The following CASZ1 variants were observed in gnomAD, a reference collection of about 807,000 sequenced individuals.
CASZ1 encodes the protein castor zinc finger 1.
CASZ1 carries 28 observed loss-of-function variants against 135.2 expected under a neutral mutation model. The observed-to-expected ratio is 0.21, with a 90% CI of 0.15 to 0.28. CASZ1 has a LOEUF of 0.28. Ranked by LOEUF, CASZ1 falls within the 10% of genes least tolerant of loss-of-function variation. The pLI, the probability that CASZ1 is intolerant of heterozygous loss-of-function variation, is 1.00. For synonymous variants in CASZ1, 1,068 were observed against 1,073.4 expected (o/e 0.99, Z 0.10); for missense variants, 2,161 against 2,453.3 (o/e 0.88, Z 2.52).
Position 10,719,601 on chromosome 1 carries a change from C to T in CASZ1, c.-76-14057G>A, listed in dbSNP as rs1639459182. Among the ~76,000 whole-genome samples the T allele has an allele frequency of 1.3e-5, 2 of 152,216 alleles. 1 individual carries two copies. The highest frequency in any genetic ancestry group is 4.1e-4 in the South Asian group (2 of 4,836). On this transcript the variant is annotated intron_variant, in intron 2 of 20. Transcript: ENST00000377022. The surrounding 1 kb of genome is among the most constrained non-coding windows in gnomAD (Gnocchi z 4.0). ...GAGGAGAGGCTGGCCACCTGTAGGGCATGGGGAACGGGGGCTCAGGTGAGC... is the reference window on the plus strand; with the variant it reads ...GAGGAGAGGCTGGCCACCTGTAGGGTATGGGGAACGGGGGCTCAGGTGAGC...
At position 10,694,910 on chromosome 1, in the gene CASZ1, C is replaced by A. The variant is rs1165328094; in HGVS notation, c.-23-998G>T. Among the ~76,000 whole-genome samples the A allele has an allele frequency of 7.0e-6, 1 of 143,838 alleles. No homozygotes were observed. Among genetic ancestry groups the A allele is most frequent in the Non-Finnish European group, 1.5e-5 (1 of 64,892 alleles). The allele number at this position is 143,838 out of a possible 152,430, so 94.4% of individuals were successfully genotyped here. On this transcript the variant is annotated intron_variant, in intron 3 of 20. Coordinates refer to ENST00000377022, the MANE Select transcript of CASZ1 (RefSeq NM_001079843.3). This position sits in a 1 kb window ranked among gnomAD's most constrained non-coding sequence, Gnocchi z 6.6. Reference sequence around the variant, plus strand: ...GGCCGCCGGCGGCCGCGCGCGCGCTCGCATGCTGCCAGCGGCCGCTCGGGC... The same window carrying A: ...GGCCGCCGGCGGCCGCGCGCGCGCTAGCATGCTGCCAGCGGCCGCTCGGGC...
chr1:10,691,362 G>A (rs1638762557), intron 4 of CASZ1, among the ~76,000 whole-genome samples: 1 of 152,158 alleles, frequency 6.6e-6, no homozygotes, highest in Non-Finnish European at 1.5e-5. Context: ...TGGCCCCTGA[G>A]GGTCCTGAGG....
At position 10,700,930 on chromosome 1, in the gene CASZ1, A is replaced by T. The variant is rs773850772; in HGVS notation, c.-24+4562T>A. ...TGAATGATATCTCAATAAAGCGGTT[A>T]TTAAAAAGTGGGGGAAAGACGGGGG... is the stretch of plus-strand genomic sequence containing the variant. On this transcript the variant is annotated intron_variant, in intron 3 of 20. Transcript: ENST00000377022. This position sits in a 1 kb window ranked among gnomAD's most constrained non-coding sequence, Gnocchi z 4.2. Among the ~76,000 whole-genome samples the T allele has an allele frequency of 2.0e-4, 30 of 152,336 alleles. No homozygotes were observed. The highest frequency in any genetic ancestry group is 4.0e-4 in the Non-Finnish European group (27 of 68,026).
rs567959093 is a variant in CASZ1, at chr1:10,762,907, C to T, written c.-233-2050G>A. 1.6e-4 allele frequency among the ~76,000 whole-genome samples: 24 copies of T among 152,286 alleles called. No individual in the cohort carries two copies. The highest frequency in any genetic ancestry group is 3.3e-4 in the Admixed American group (5 of 15,298). ...AAGGGGGCTCCAGGCCCTGGTGGGA[C>T]GCTCGTTGGGCTTCTTCCAGCGGAA... On this transcript the variant is annotated intron_variant, in intron 1 of 20. Transcript: ENST00000377022. The surrounding 1 kb of genome is among the most constrained non-coding windows in gnomAD (Gnocchi z 4.1).
rs1641078476 is a variant in CASZ1, at chr1:10,796,633, C to CAT, written c.-304_-303insAT. On this transcript the variant is annotated 5_prime_UTR_variant, in exon 1 of 21. The change creates a new upstream start codon in the 5' untranslated region. Coordinates refer to ENST00000377022, the MANE Select transcript of CASZ1 (RefSeq NM_001079843.3). ...AAATGTGTGTGTGTTTGGGATGGAG[C>CAT]GCCGCGGGCGCGCATGCGCTGCCCA... is the stretch of plus-strand genomic sequence containing the variant. 6.6e-6 allele frequency: 1 copy of CAT among 152,286 alleles called. No homozygotes were observed. The highest frequency in any genetic ancestry group is 1.5e-5 in the Non-Finnish European group (1 of 68,076). 9.4% of individuals were successfully genotyped at this position (152,286 alleles called of 1,614,324 possible).
Position 10,701,412 on chromosome 1 carries a change from T to A in CASZ1, c.-24+4080A>T, listed in dbSNP as rs190729022. 2.0e-5 allele frequency among the ~76,000 whole-genome samples: 3 copies of A among 152,342 alleles called. No individual in the cohort carries two copies. Among genetic ancestry groups the A allele is most frequent in the African/African-American group, 7.2e-5 (3 of 41,574 alleles). On this transcript the variant is annotated intron_variant, in intron 3 of 20. Coordinates refer to ENST00000377022, the MANE Select transcript of CASZ1 (RefSeq NM_001079843.3). This position sits in a 1 kb window ranked among gnomAD's most constrained non-coding sequence, Gnocchi z 6.3. Reference sequence around the variant, plus strand: ...CAATCACAAACTTTAATTCGCTGCCTGGCTTCTCCCTGCTGTGCCCTCTGC... The same window carrying A: ...CAATCACAAACTTTAATTCGCTGCCAGGCTTCTCCCTGCTGTGCCCTCTGC...
rs1641013576 is a variant in CASZ1, at chr1:10,794,033, G to T, written c.-234+2531C>A. Among the ~76,000 whole-genome samples, 1 of 152,174 alleles carries T rather than the reference G, an allele frequency of 6.6e-6. No individual in the cohort carries two copies. The highest frequency in any genetic ancestry group is 2.1e-4 in the South Asian group (1 of 4,830). On this transcript the variant is annotated intron_variant, in intron 1 of 20. Coordinates refer to ENST00000377022, the MANE Select transcript of CASZ1 (RefSeq NM_001079843.3). This position sits in a 1 kb window ranked among gnomAD's most constrained non-coding sequence, Gnocchi z 5.6. ...GCCCAGCGCCCCCTCCGGGCACGTG[G>T]AGCGCAGCCCCGGCTCAGCCCCCGG...
At chr1:10,713,472 G>T (rs1023864091) in intron 2 of CASZ1, among the ~76,000 whole-genome samples, 4 of 152,200 alleles carry the variant, frequency 2.6e-5, no homozygotes, top group Non-Finnish European at 5.9e-5. Flanking sequence ...TTAGAGTCAG[G>T]AGGGATGTGA....
chr1:10,761,698 C>T (rs1386958998), intron 1 of CASZ1, among the ~76,000 whole-genome samples: 1 of 152,198 alleles, frequency 6.6e-6, no homozygotes, highest in Non-Finnish European at 1.5e-5. Flanking sequence ...GTTTCAACTT[C>T]AAACCTGTAA....
chr1:10,667,793 G>GCC (rs1195479028), intron 4 of CASZ1, among the ~76,000 whole-genome samples: 9 of 151,586 alleles, frequency 5.9e-5, no homozygotes, highest in African/African-American at 2.2e-4. Flanking sequence ...TGCTGGTGAC[G>GCC]CCCCCTCCCC....
chr1:10,722,151 C>T (rs188203), intron 2 of CASZ1, among the ~76,000 whole-genome samples: 16,017 of 152,220 alleles, frequency 0.11, 973 homozygotes, highest in Middle Eastern at 0.16. Flanking sequence ...TCACAGCCAC[C>T]GTCTCCCCTG....
Position 10,649,331 on chromosome 1 carries a change from G to T in CASZ1, c.2987C>A (p.Ala996Glu). Residue 996 changes from alanine to glutamate, a missense_variant, in exon 14 of 21, where the codon GCG (alanine) becomes GAG (glutamate). Ala to Glu is a moderately radical substitution (Grantham distance 107). Around this residue, in one of 7 missense-constraint regions of CASZ1, gnomAD observed 406 missense variants for 387.6 expected, o/e 1.05. Coordinates refer to ENST00000377022, the MANE Select transcript of CASZ1 (RefSeq NM_001079843.3). Reference protein sequence around the residue: ...PSPFLGKAVKALVQEKLAEPW... With the variant: ...PSPFLGKAVKELVQEKLAEPW... ...CTCTGCCAACTTCTCCTGAACCAGC[G>T]CCTTCACGGCCTTGCCTAGGAAGGG... The T allele has an allele frequency of 6.3e-7, 1 of 1,596,528 alleles. No individual in the cohort carries two copies. The highest frequency in any genetic ancestry group is 8.5e-7 in the Non-Finnish European group (1 of 1,171,728).
At chr1:10,793,424 C>G (rs1019104259) in intron 1 of CASZ1, among the ~76,000 whole-genome samples, 2 of 152,014 alleles carry the variant, frequency 1.3e-5, no homozygotes, top group African/African-American at 4.8e-5. Flanking sequence ...GAGCAAGACT[C>G]CAAGTCTCGG....
chr1:10,706,476 G>A lies in CASZ1; in HGVS notation c.-76-932C>T, dbSNP rs1262168339. Among the ~76,000 whole-genome samples the A allele has an allele frequency of 6.6e-6, 1 of 152,196 alleles. No individual in the cohort carries two copies. The highest frequency in any genetic ancestry group is 1.5e-5 in the Non-Finnish European group (1 of 68,020). ...CCTCCCTCATTTGTGGCTTATCAAT[G>A]ATGCAAGAGGAATAACACCAATTTC... is the stretch of plus-strand genomic sequence containing the variant. On this transcript the variant is annotated intron_variant, in intron 2 of 20. Coordinates refer to ENST00000377022, the MANE Select transcript of CASZ1 (RefSeq NM_001079843.3). The surrounding 1 kb of genome is among the most constrained non-coding windows in gnomAD (Gnocchi z 4.3).
chr1:10,674,548 C>T (rs2100333629), intron 4 of CASZ1, among the ~76,000 whole-genome samples: 1 of 152,382 alleles, frequency 6.6e-6, no homozygotes, highest in East Asian at 1.9e-4. Flanking sequence ...TCAGCGTCTT[C>T]CCTGCCCTGG....
rs564207885 is a variant in CASZ1, at chr1:10,693,231, G to C, written c.16+643C>G. Among the ~76,000 whole-genome samples, 8 of 152,098 alleles carry C rather than the reference G, an allele frequency of 5.3e-5. No individual in the cohort carries two copies. In the East Asian group the frequency reaches 1.4e-3, roughly 26 times the overall value. ...TAAAGAGGCAGGTGGGAGACAGTCC[G>C]GGGCCCCTCACTTTGAACTGATAAC... On this transcript the variant is annotated intron_variant, in intron 4 of 20. Coordinates refer to ENST00000377022, the MANE Select transcript of CASZ1 (RefSeq NM_001079843.3).
At chr1:10,792,386 G>C (rs1488677488) in intron 1 of CASZ1, among the ~76,000 whole-genome samples, 1 of 141,122 alleles carries the variant, frequency 7.1e-6, no homozygotes, top group Non-Finnish European at 1.5e-5. Context: ...GTGGGGTTGG[G>C]GGGGGTGTCC....
At chr1:10,786,090 C>T (rs1189572550) in intron 1 of CASZ1, among the ~76,000 whole-genome samples, 6 of 152,244 alleles carry the variant, frequency 3.9e-5, no homozygotes, top group Admixed American at 1.3e-4. Flanking sequence ...GTGGGCACGA[C>T]TCTGGGATTG....
chr1:10,669,153 C>G (rs151086990), intron 4 of CASZ1, among the ~76,000 whole-genome samples: 1 of 152,210 alleles, frequency 6.6e-6, no homozygotes, highest in South Asian at 2.1e-4. Context: ...AACGGCCCAG[C>G]GGAGCCGGCA....
Sources: gnomAD v4.1 joint callset for allele counts (sites outside exome capture counted in the v4.1 genomes callset) on GRCh38, gnomAD v4.1.1 for gene constraint, gnomAD v4.1.1 regional missense constraint, Gnocchi (gnomAD v3.1) non-coding constraint, MANE v1.5 for transcripts, NCBI Gene and HGNC (gene_info 2026-07-23, HGNC 2026-07-21) for gene names.